The following MAPK4 variants were observed in gnomAD, a reference collection of about 807,000 sequenced individuals.
MAPK4 encodes the protein mitogen-activated protein kinase 4.
In MAPK4, 22 loss-of-function variants were observed where a neutral mutation model predicts 47.7. The ratio of observed to expected loss-of-function variants is 0.46; its 90% CI spans 0.33 to 0.66. The LOEUF is 0.66. MAPK4 is among the 30% of genes least tolerant of loss of function. MAPK4 has a pLI of 0.02. For synonymous variants in MAPK4, 390 were observed against 365.7 expected, an observed-to-expected ratio of 1.07 and a Z score of -0.76; for missense variants, 736 against 831.7, an observed-to-expected ratio of 0.88 and a Z score of 1.42.
chr18:50,658,065 T>A (rs185656477), intron 1 of MAPK4, among the ~76,000 whole-genome samples: 199 of 152,144 alleles, frequency 1.3e-3, no homozygotes, highest in Non-Finnish European at 2.2e-3. Flanking sequence ...CAGTTAAAGG[T>A]CAAGAACATG....
At chr18:50,675,572 A>G (rs572730184) in intron 2 of MAPK4, among the ~76,000 whole-genome samples, 22 of 151,952 alleles carry the variant, frequency 1.4e-4, no homozygotes, top group African/African-American at 5.3e-4. Context: ...GCACACTGCA[A>G]CCTCCACCTC....
chr18:50,594,223 GC>G (rs2042462825), intron 1 of MAPK4, among the ~76,000 whole-genome samples: 1 of 152,132 alleles, frequency 6.6e-6, no homozygotes, highest in South Asian at 2.1e-4. Context: ...ATTGCATGGT[GC>G]CCACCCACAC....
chr18:50,710,606 T>C (rs918225410), intron 2 of MAPK4, among the ~76,000 whole-genome samples: 19 of 151,318 alleles, frequency 1.3e-4, no homozygotes, highest in African/African-American at 4.1e-4. Flanking sequence ...TGAAATCCCA[T>C]CTCTACTAAA....
chr18:50,728,272 G>A (rs1401562479), intron 5 of MAPK4, among the ~76,000 whole-genome samples: 1 of 152,252 alleles, frequency 6.6e-6, no homozygotes, highest in Non-Finnish European at 1.5e-5. Flanking sequence ...CTGATGGCCT[G>A]CCTGTCTGCC....
At chr18:50,639,602 C>T (rs965836087) in intron 1 of MAPK4, among the ~76,000 whole-genome samples, 1 of 152,182 alleles carries the variant, frequency 6.6e-6, no homozygotes, top group Non-Finnish European at 1.5e-5. Context: ...CCCTTCTAGT[C>T]TTTTTGCCAT....
At chr18:50,712,294 G>C (rs983483946) in intron 2 of MAPK4, among the ~76,000 whole-genome samples, 1 of 152,158 alleles carries the variant, frequency 6.6e-6, no homozygotes, top group Admixed American at 6.5e-5. Flanking sequence ...GGGTGTGTTG[G>C]TGTGCGCCTG....
chr18:50,693,076 T>C (rs1449515379), intron 2 of MAPK4, among the ~76,000 whole-genome samples: 1 of 151,974 alleles, frequency 6.6e-6, no homozygotes, highest in Non-Finnish European at 1.5e-5. Context: ...GCCAACATGG[T>C]GAAACCCTGT....
intron 2 of MAPK4, among the ~76,000 whole-genome samples, chr18:50,670,689 G>A (rs190039023): frequency 2.0e-5 from 3 of 151,548 alleles, no homozygotes; most frequent in Admixed American, 6.6e-5. Flanking sequence ...CTTGGGAGGT[G>A]GAGGTTGCAT....
Position 50,601,356 on chromosome 18 carries a change from AAAAGTT to A in MAPK4, c.-871+41115_-871+41120del, listed in dbSNP as rs2042539449. ...GTCAAAAAAAAAAAAAAAAAAAAAA[AAAAGTT>A]AGGGTGCCGTTGATTGATCTGTTTT... On this transcript the variant is annotated intron_variant, in intron 1 of 5. Transcript: ENST00000400384. 2.7e-5 allele frequency among the ~76,000 whole-genome samples: 4 copies of A among 150,636 alleles called. 1 individual carries two copies. In the South Asian group the frequency reaches 6.3e-4, roughly 24 times the overall value.
At chr18:50,712,161 T>C (rs1910402503) in intron 2 of MAPK4, among the ~76,000 whole-genome samples, 1 of 152,236 alleles carries the variant, frequency 6.6e-6, no homozygotes, top group Non-Finnish European at 1.5e-5. Context: ...GCACAGTGGC[T>C]CATGCCTGTA....
At chr18:50,652,985 C>A (rs905115543) in intron 1 of MAPK4, among the ~76,000 whole-genome samples, 7 of 152,014 alleles carry the variant, frequency 4.6e-5, no homozygotes, top group African/African-American at 1.7e-4. Flanking sequence ...AGTTCGAGAC[C>A]AGCCTGGGTA....
At chr18:50,626,807 G>T (rs758191652) in intron 1 of MAPK4, among the ~76,000 whole-genome samples, 2 of 152,196 alleles carry the variant, frequency 1.3e-5, no homozygotes, top group African/African-American at 2.4e-5. Flanking sequence ...GGGCTCTGTA[G>T]TGTGTTCCCC....
intron 1 of MAPK4, among the ~76,000 whole-genome samples, chr18:50,648,840 G>T (rs2043017437): frequency 1.3e-5 from 2 of 152,130 alleles, no homozygotes; most frequent in Admixed American, 1.3e-4. Context: ...GCCTCATGGG[G>T]GCAGGTCAGC....
intron 2 of MAPK4, among the ~76,000 whole-genome samples, chr18:50,682,566 A>T (rs1908648283): frequency 6.6e-6 from 1 of 152,230 alleles, no homozygotes; most frequent in South Asian, 2.1e-4. Flanking sequence ...TGAAGCCAAC[A>T]ATATATAAAA....
chr18:50,662,093 T>C (rs1328110959), intron 1 of MAPK4, among the ~76,000 whole-genome samples: 1 of 152,252 alleles, frequency 6.6e-6, no homozygotes. Flanking sequence ...TTTGCAGAGT[T>C]GTGCGAAGTT....
chr18:50,702,605 AT>A (rs1307509798), intron 2 of MAPK4, among the ~76,000 whole-genome samples: 1 of 152,106 alleles, frequency 6.6e-6, no homozygotes, highest in Non-Finnish European at 1.5e-5. Context: ...TCATTTTCAT[AT>A]CTAATTTTGT....
At chr18:50,622,025 A>T (rs1240009646) in intron 1 of MAPK4, among the ~76,000 whole-genome samples, 1 of 152,210 alleles carries the variant, frequency 6.6e-6, no homozygotes, top group Non-Finnish European at 1.5e-5. Flanking sequence ...CTTAATGCCT[A>T]TTAACAGCCC....
chr18:50,684,900 G>A (rs905493138), intron 2 of MAPK4, among the ~76,000 whole-genome samples: 8 of 152,186 alleles, frequency 5.3e-5, no homozygotes, highest in Admixed American at 5.2e-4. Context: ...TGTGTTAGGT[G>A]CCCTGCAGAC....
chr18:50,604,547 T>C (rs554694172), intron 1 of MAPK4, among the ~76,000 whole-genome samples: 9 of 152,340 alleles, frequency 5.9e-5, no homozygotes, highest in African/African-American at 1.9e-4. Flanking sequence ...AACAGTTTTA[T>C]AGATACATGT....
Sources: allele counts gnomAD v4.1 joint callset (sites outside exome capture counted in the v4.1 genomes callset), GRCh38; gene constraint gnomAD v4.1.1; transcripts MANE v1.5; gene names NCBI Gene and HGNC (gene_info 2026-07-23, HGNC 2026-07-21).